WWOX: variants seen among roughly 807,000 people sequenced by gnomAD.
WWOX encodes WW domain containing oxidoreductase, also known as WW domain-containing oxidoreductase.
Under a neutral mutation model 46.2 loss-of-function variants are expected in WWOX, and 69 were observed. The ratio of observed to expected loss-of-function variants is 1.49; its 90% CI spans 1.23 to 1.82. The LOEUF (loss-of-function observed/expected upper bound fraction) is 1.82, where lower values mean the gene tolerates loss of function less well. Among genes scored for constraint, WWOX ranks in the 40% most tolerant of loss-of-function variants. The probability of loss-of-function intolerance (pLI) is 0.00; values close to 1 mark genes in which losing one functional copy is unlikely to be tolerated. For synonymous variants in WWOX, 359 were observed against 202.6 expected (o/e 1.77, Z -6.56); for missense variants, 919 against 542.6 (o/e 1.69, Z -6.89).
chr16:78,436,654 G>A (rs1288971539), intron 8 of WWOX, among the ~76,000 whole-genome samples: 5 of 152,120 alleles, frequency 3.3e-5, no homozygotes, highest in African/African-American at 9.7e-5. Flanking sequence ...TGGAATTGGC[G>A]CTCTGAGCTT....
At chr16:79,051,709 A>G (rs1483442209) in intron 8 of WWOX, among the ~76,000 whole-genome samples, 1 of 152,258 alleles carries the variant, frequency 6.6e-6, no homozygotes, top group East Asian at 1.9e-4. Context: ...TAAAAAGTAG[A>G]GGTTCCTCTT....
intron 8 of WWOX, among the ~76,000 whole-genome samples, chr16:78,967,028 C>G (rs1454627725): frequency 6.6e-6 from 1 of 152,158 alleles, no homozygotes; most frequent in Non-Finnish European, 1.5e-5. Flanking sequence ...AATATGCAGA[C>G]TATTCAAATG....
intron 5 of WWOX, among the ~76,000 whole-genome samples, chr16:78,384,454 T>C (rs2082019442): frequency 6.6e-6 from 1 of 152,172 alleles, no homozygotes; most frequent in Non-Finnish European, 1.5e-5. Flanking sequence ...ATCAGATAAA[T>C]ATCAGTTACT....
intron 5 of WWOX, among the ~76,000 whole-genome samples, chr16:78,372,957 T>C (rs1377152114): frequency 1.3e-5 from 2 of 152,198 alleles, no homozygotes; most frequent in Non-Finnish European, 2.9e-5. Flanking sequence ...TGGGCTGAAT[T>C]ATTTGAATTC....
intron 4 of WWOX, among the ~76,000 whole-genome samples, chr16:78,118,781 G>T (rs990358500): frequency 2.0e-5 from 3 of 152,168 alleles, no homozygotes; most frequent in African/African-American, 7.2e-5. Context: ...CAGCTTAGAT[G>T]AAATTTAGGC....
intron 8 of WWOX, among the ~76,000 whole-genome samples, chr16:79,182,897 CCTT>C (rs1201417877): frequency 2.0e-5 from 3 of 152,114 alleles, no homozygotes; most frequent in African/African-American, 7.2e-5. Context: ...TTAACAAAAG[CCTT>C]CTGGGCTGAT....
At chr16:78,329,075 G>A (rs1016175351) in intron 5 of WWOX, among the ~76,000 whole-genome samples, 1 of 152,064 alleles carries the variant, frequency 6.6e-6, no homozygotes, top group Admixed American at 6.6e-5. Flanking sequence ...TCGCCAGGCT[G>A]GTCTTGGATT....
intron 8 of WWOX, among the ~76,000 whole-genome samples, chr16:78,650,236 T>C (rs966937745): frequency 1.3e-5 from 2 of 152,228 alleles, no homozygotes; most frequent in African/African-American, 4.8e-5. Flanking sequence ...ACAGTGACCA[T>C]AGTGTTTCTC....
At chr16:79,184,057 G>A (rs2050965334) in intron 8 of WWOX, among the ~76,000 whole-genome samples, 2 of 152,184 alleles carry the variant, frequency 1.3e-5, no homozygotes, top group South Asian at 2.1e-4. Context: ...GAGGAGGCAA[G>A]CATGAACATT....
intron 6 of WWOX, among the ~76,000 whole-genome samples, chr16:78,412,380 G>T (rs536427173): frequency 2.1e-4 from 32 of 152,284 alleles, no homozygotes; most frequent in African/African-American, 7.7e-4. Context: ...ACTGACAGGT[G>T]GGAATGAGAT....
At chr16:78,831,963 T>A (rs958992350) in intron 8 of WWOX, among the ~76,000 whole-genome samples, 5 of 152,204 alleles carry the variant, frequency 3.3e-5, no homozygotes. Flanking sequence ...GTGTTGCTCT[T>A]GTCACTTTTG....
At chr16:78,728,209 C>G (rs956952975) in intron 8 of WWOX, among the ~76,000 whole-genome samples, 1 of 151,536 alleles carries the variant, frequency 6.6e-6, no homozygotes, top group African/African-American at 2.4e-5. Context: ...TGACTACGGA[C>G]ACATGCCACT....
At chr16:78,843,023 A>C (rs372104130) in intron 8 of WWOX, among the ~76,000 whole-genome samples, 33 of 149,930 alleles carry the variant, frequency 2.2e-4, no homozygotes, top group African/African-American at 7.5e-4. Flanking sequence ...AGGGCTGGCT[A>C]TTTTACTTTA....
rs184804030 is a variant in WWOX at position 78,349,881 on chromosome 16, C to T, written c.517-36979C>T. On this transcript the variant is annotated intron_variant, in intron 5 of 8. Transcript: ENST00000566780. ...TTCTGGGCTCAGCTTTTGACTCAGT[C>T]TCATTCCCCAGAAATAATCCCTGTT... 4.1e-4 allele frequency among the ~76,000 whole-genome samples: 50 copies of T among 121,026 alleles called. 10 individuals are homozygous for T. The highest frequency in any genetic ancestry group is 1.3e-3 in the African/African-American group (48 of 35,778). 79.4% of individuals were successfully genotyped at this position (121,026 alleles called of 152,430 possible). A position where few individuals can be genotyped will look rare whatever the true frequency, so the allele number is the denominator to read the frequency against.
intron 8 of WWOX, among the ~76,000 whole-genome samples, chr16:78,915,697 T>G (rs113392590): frequency 3.1e-5 from 3 of 96,030 alleles, no homozygotes; most frequent in Non-Finnish European, 4.4e-5. Flanking sequence ...CCAAAGCCAT[T>G]TAAAAAAAAA....
At chr16:78,152,904 G>GTT (rs10684196) in intron 4 of WWOX, among the ~76,000 whole-genome samples, 83,116 of 151,766 alleles carry the variant, frequency 0.55, 22,827 homozygotes, top group African/African-American at 0.56. Flanking sequence ...GAGTTGGTAT[G>GTT]TTTTTTGATT....
intron 8 of WWOX, among the ~76,000 whole-genome samples, chr16:78,616,860 C>A (rs981154944): frequency 1.3e-5 from 2 of 152,134 alleles, no homozygotes; most frequent in African/African-American, 4.8e-5. Context: ...GTCCGCACTT[C>A]CTAATGTTAC....
rs145215409 is a variant in WWOX, at chr16:78,622,165, C to T, written c.1056+189413C>T. On this transcript the variant is annotated intron_variant, in intron 8 of 8. Coordinates refer to ENST00000566780, the MANE Select transcript of WWOX (RefSeq NM_016373.4). ...GACTATTGGGAAGAAATTTGGGATT[C>T]TATCCTTTTTCTCTCCATTCTTCTC... 1.5e-3 allele frequency among the ~76,000 whole-genome samples: 234 copies of T among 152,226 alleles called. 2 individuals carry two copies. The highest frequency in any genetic ancestry group is 5.2e-3 in the African/African-American group (218 of 41,536).
At chr16:78,444,144 T>G (rs74030258) in intron 8 of WWOX, among the ~76,000 whole-genome samples, 16,033 of 152,168 alleles carry the variant, frequency 0.11, 1,185 homozygotes, top group East Asian at 0.21. Flanking sequence ...GATAAAGAAA[T>G]ACTTTGCAAA....
Sources: allele counts gnomAD v4.1 joint callset (sites outside exome capture counted in the v4.1 genomes callset), GRCh38; gene constraint gnomAD v4.1.1; transcripts MANE v1.5; gene names NCBI Gene and HGNC (gene_info 2026-07-23, HGNC 2026-07-21).